The following KDM4C variants were observed in gnomAD, a reference collection of about 807,000 sequenced individuals.
The protein encoded by KDM4C is lysine-specific demethylase 4C.
KDM4C carries 81 observed loss-of-function variants against 129.3 expected under a neutral mutation model. The observed-to-expected ratio is 0.63, with a 90% CI of 0.52 to 0.75. The LOEUF is 0.75. Ranked by LOEUF, KDM4C falls within the 30% of genes least tolerant of loss-of-function variation. The pLI is 0.00. For missense variants in KDM4C, 1,457 were observed against 1,304.0 expected (o/e 1.12, Z -1.81); for synonymous variants, 573 against 456.1 (o/e 1.26, Z -3.26).
At chr9:7,060,451 G>GTTATTA (rs1164003659) in intron 17 of KDM4C, among the ~76,000 whole-genome samples, 12,775 of 137,634 alleles carry the variant, frequency 0.093, 674 homozygotes, top group Middle Eastern at 0.11. Flanking sequence ...TAGCAGTATT[G>GTTATTA]TTGTTATTAT....
At chr9:6,810,478 A>C (rs1250947783) in intron 3 of KDM4C, among the ~76,000 whole-genome samples, 2 of 152,224 alleles carry the variant, frequency 1.3e-5, no homozygotes, top group Non-Finnish European at 2.9e-5. Context: ...TGGGGTTTAG[A>C]GATGGTTTAA....
chr9:7,111,988 C>G (rs1199761888), intron 18 of KDM4C, among the ~76,000 whole-genome samples: 4 of 151,836 alleles, frequency 2.6e-5, no homozygotes, highest in Non-Finnish European at 5.9e-5. Context: ...GGAGCAAGAC[C>G]CACAGGTACT....
chr9:6,823,846 T>A (rs1833441513), intron 4 of KDM4C, among the ~76,000 whole-genome samples: 1 of 152,236 alleles, frequency 6.6e-6, no homozygotes, highest in Non-Finnish European at 1.5e-5. Context: ...GTACGCACCA[T>A]CACTTCCAAC....
intron 19 of KDM4C, among the ~76,000 whole-genome samples, chr9:7,158,570 C>CTT (rs1413114761): frequency 7.9e-5 from 12 of 152,154 alleles, no homozygotes; most frequent in Non-Finnish European, 4.4e-5. Flanking sequence ...CAGAGAACAT[C>CTT]TTTATGTCTG....
intron 12 of KDM4C, among the ~76,000 whole-genome samples, chr9:7,010,046 A>G (rs1822408625): frequency 6.6e-6 from 1 of 152,250 alleles, no homozygotes; most frequent in Non-Finnish European, 1.5e-5. Flanking sequence ...TTGTCACAAC[A>G]TATGCACACA....
Position 7,068,682 on chromosome 9 carries a change from C to CTCTCTTTTTTTTTTTT in KDM4C, c.2424+19483_2424+19484insCTCTTTTTTTTTTTTT, listed in dbSNP as rs1491581614. Among the ~76,000 whole-genome samples the CTCTCTTTTTTTTTTTT allele has an allele frequency of 7.9e-5, 7 of 88,534 alleles. 3 individuals carry two copies. The highest frequency in any genetic ancestry group is 7.0e-4 in the East Asian group (2 of 2,838). 58.1% of individuals were successfully genotyped at this position (88,534 alleles called of 152,430 possible). A position where few individuals can be genotyped will look rare whatever the true frequency, so the allele number is the denominator to read the frequency against. On this transcript the variant is annotated intron_variant, in intron 17 of 21. Coordinates refer to ENST00000381309, the MANE Select transcript of KDM4C (RefSeq NM_015061.6). Reference sequence around the variant, plus strand: ...CTATTTCATACATGTTTATGATGCCCTTTCTTTTTTTTTTTTTTTTTTTTT... The same window carrying CTCTCTTTTTTTTTTTT: ...CTATTTCATACATGTTTATGATGCCCTCTCTTTTTTTTTTTTTTTCTTTTTTTTTTTTTTTTTTTTT...
At chr9:6,817,712 CG>C (rs1279017298) in intron 4 of KDM4C, among the ~76,000 whole-genome samples, 2 of 149,088 alleles carry the variant, frequency 1.3e-5, no homozygotes, top group Non-Finnish European at 3.0e-5. Context: ...TACAGAAAAA[CG>C]TGAAGAAGAG....
At chr9:6,937,786 ATT>A (rs1315135981) in intron 8 of KDM4C, among the ~76,000 whole-genome samples, 1 of 152,082 alleles carries the variant, frequency 6.6e-6, no homozygotes. Flanking sequence ...ATCTTGGCTC[ATT>A]GCAACCTCTG....
intron 5 of KDM4C, among the ~76,000 whole-genome samples, chr9:6,856,207 C>G (rs1839783919): frequency 6.6e-6 from 1 of 151,948 alleles, no homozygotes; most frequent in Non-Finnish European, 1.5e-5. Context: ...AGGGATTAGG[C>G]AGCTTGATAG....
chr9:6,979,149 C>G (rs562622504), intron 8 of KDM4C, among the ~76,000 whole-genome samples: 1 of 152,214 alleles, frequency 6.6e-6, no homozygotes, highest in East Asian at 1.9e-4. Flanking sequence ...TAAGTCCAAG[C>G]TTTTTTCCCC....
rs185826289 is a variant in KDM4C, at chr9:7,023,099, G to C, written c.2259+7170G>C. Among the ~76,000 whole-genome samples, 925 of 152,170 alleles carry C rather than the reference G, an allele frequency of 6.1e-3. 13 individuals carry two copies. Among genetic ancestry groups the C allele is most frequent in the African/African-American group, 0.02 (836 of 41,548 alleles). On this transcript the variant is annotated intron_variant, in intron 15 of 21. Coordinates refer to ENST00000381309, the MANE Select transcript of KDM4C (RefSeq NM_015061.6). The stretch of plus-strand genomic sequence containing the variant: ...TCAGTGTTCATCAGGGCTATTGGCT[G>C]TGGTTTTCTTTTTGATGTTTCCTTT...
At chr9:6,982,846 G>C (rs1415387666) in intron 9 of KDM4C, 1 of 152,168 alleles carries the variant, frequency 6.6e-6, no homozygotes, top group African/African-American at 2.4e-5. Context: ...CTTGTCAGTA[G>C]GTTCAAATAA....
intron 15 of KDM4C, among the ~76,000 whole-genome samples, chr9:7,045,340 C>T (rs1343921734): frequency 6.6e-6 from 1 of 151,988 alleles, no homozygotes; most frequent in East Asian, 1.9e-4. Context: ...GCTGCATTCC[C>T]ACTTTGAAAC....
At chr9:7,014,406 GA>G (rs1823265716) in intron 14 of KDM4C, 1 of 160,346 alleles carries the variant, frequency 6.2e-6, no homozygotes, top group Non-Finnish European at 1.4e-5. Context: ...TGGTTGTTCT[GA>G]GAATTGTTGT....
rs183045598 is a variant in KDM4C, at chr9:6,932,615, A to G, written c.921+39383A>G. Among the ~76,000 whole-genome samples the G allele has an allele frequency of 3.1e-3, 466 of 152,284 alleles. 5 individuals carry two copies. Among genetic ancestry groups the G allele is most frequent in the African/African-American group, 0.011 (446 of 41,548 alleles). ...TTTGGGGAAGGAGGAAACTGAGGCA[A>G]AGAGGTTAAGTGTCTCCCCCTGGTG... On this transcript the variant is annotated intron_variant, in intron 8 of 21. Coordinates refer to ENST00000381309, the MANE Select transcript of KDM4C (RefSeq NM_015061.6).
intron 1 of KDM4C, among the ~76,000 whole-genome samples, chr9:6,791,052 C>T (rs1826488138): frequency 6.6e-6 from 1 of 152,162 alleles, no homozygotes. Context: ...CTGGCCAACT[C>T]CCATACCTTC....
chr9:7,078,153 C>G (rs950358994), intron 17 of KDM4C, among the ~76,000 whole-genome samples: 1 of 152,092 alleles, frequency 6.6e-6, no homozygotes, highest in Non-Finnish European at 1.5e-5. Context: ...TTGTCGTTGT[C>G]TCTGGATGAC....
chr9:6,761,506 T>A (rs1819490138), intron 1 of KDM4C, among the ~76,000 whole-genome samples: 1 of 151,862 alleles, frequency 6.6e-6, no homozygotes, highest in Non-Finnish European at 1.5e-5. Context: ...CTGGCTGATT[T>A]TTGTGGTCTT....
chr9:6,801,787 A>G (rs1186301031), intron 2 of KDM4C, among the ~76,000 whole-genome samples: 1 of 152,064 alleles, frequency 6.6e-6, no homozygotes. Flanking sequence ...TGATAAAGAG[A>G]CTTGAATAAG....
Sources: gnomAD v4.1 joint callset for allele counts (sites outside exome capture counted in the v4.1 genomes callset) on GRCh38, gnomAD v4.1.1 for gene constraint, MANE v1.5 for transcripts, NCBI Gene and HGNC (gene_info 2026-07-23, HGNC 2026-07-21) for gene names.